IL1RAPL1: variants seen among roughly 807,000 people sequenced by gnomAD.
The protein encoded by IL1RAPL1 is interleukin-1 receptor accessory protein-like 1.
In IL1RAPL1, 3 loss-of-function variants were observed where a neutral mutation model predicts 48.4. The ratio of observed to expected loss-of-function variants is 0.06; its 90% CI spans 0.03 to 0.16. The LOEUF (loss-of-function observed/expected upper bound fraction) is 0.16. IL1RAPL1 is among the 10% of genes least tolerant of loss of function. The pLI, the probability that IL1RAPL1 is intolerant of heterozygous loss-of-function variation, is 1.00. For missense variants in IL1RAPL1, 349 were observed against 530.6 expected (o/e 0.66, Z 3.36); for synonymous variants, 185 against 187.7 (o/e 0.99, Z 0.12).
At chrX:29,841,130 T>C (rs1196965616) in intron 6 of IL1RAPL1, among the ~76,000 whole-genome samples, 1 of 111,950 alleles carries the variant, frequency 8.9e-6, no homozygotes, top group Non-Finnish European at 1.9e-5. Flanking sequence ...TCTTCAAATA[T>C]ACAGTTATTT....
chrX:28,731,719 T>A (rs2146947055), intron 1 of IL1RAPL1, among the ~76,000 whole-genome samples: 1 of 111,777 alleles, frequency 8.9e-6, no homozygotes, highest in East Asian at 2.8e-4. Flanking sequence ...CTTTGTCCTT[T>A]TTCTGACTAT....
intron 5 of IL1RAPL1, among the ~76,000 whole-genome samples, chrX:29,656,594 A>T (rs1012507284): frequency 7.2e-5 from 8 of 110,800 alleles, no homozygotes; most frequent in African/African-American, 2.6e-4. Flanking sequence ...GAATGCCATT[A>T]TTTCATTCCT....
rs146555092 is a variant in IL1RAPL1, at chrX:28,881,991, C to G, written c.82+92566C>G. Among the ~76,000 whole-genome samples the G allele has an allele frequency of 9.8e-3, 1,073 of 109,399 alleles. 13 individuals are homozygous for G. Among genetic ancestry groups the G allele is most frequent in the Non-Finnish European group, 0.016 (863 of 52,506 alleles). 95.0% of individuals were successfully genotyped at this position (109,399 alleles called of 115,157 possible). A position where few individuals can be genotyped will look rare whatever the true frequency, so the allele number is the denominator to read the frequency against. On this transcript the variant is annotated intron_variant, in intron 2 of 10. Coordinates refer to ENST00000378993, the MANE Select transcript of IL1RAPL1 (RefSeq NM_014271.4). ...ATTAAGAAAAAATGGCTAAAACATC[C>G]CAAAATGGAGGAAAGAAATACAAAT...
At chrX:29,498,428 C>G (rs766271789) in intron 5 of IL1RAPL1, among the ~76,000 whole-genome samples, 2 of 110,674 alleles carry the variant, frequency 1.8e-5, no homozygotes, top group African/African-American at 3.3e-5. Flanking sequence ...CTCTTACTCT[C>G]CTTTCTTGTT....
chrX:29,296,192 C>T (rs763202113), intron 3 of IL1RAPL1, among the ~76,000 whole-genome samples: 1 of 111,575 alleles, frequency 9.0e-6, no homozygotes, highest in Non-Finnish European at 1.9e-5. Flanking sequence ...GCCTGGACAT[C>T]GCAAGTATCT....
chrX:29,586,725 C>T (rs1174708127), intron 5 of IL1RAPL1, among the ~76,000 whole-genome samples: 4 of 109,958 alleles, frequency 3.6e-5, no homozygotes, highest in Admixed American at 1.9e-4. Context: ...GATGTTTTGC[C>T]CTTTTCAGTG....
intron 8 of IL1RAPL1, among the ~76,000 whole-genome samples, chrX:29,928,079 T>C (rs1932907742): frequency 9.0e-6 from 1 of 111,700 alleles, no homozygotes; most frequent in South Asian, 3.7e-4. Context: ...CACAAGTATT[T>C]TTACAGCTGA....
In IL1RAPL1 at chrX:28,833,858, T is replaced by C. The variant is rs529406835; in HGVS notation, c.82+44433T>C. ...ATTTAAAATCTACTGGTGACTTTTATGTAATGTAGTGGGCTTGAGAAACTT... is the reference window on the plus strand; with the variant it reads ...ATTTAAAATCTACTGGTGACTTTTACGTAATGTAGTGGGCTTGAGAAACTT... On this transcript the variant is annotated intron_variant, in intron 2 of 10. Transcript: ENST00000378993. Among the ~76,000 whole-genome samples the C allele has an allele frequency of 6.2e-5, 7 of 112,326 alleles. No homozygotes were observed. In the South Asian group the frequency reaches 2.5e-3, roughly 41 times the overall value.
chrX:29,585,823 C>T (rs1371647535), intron 5 of IL1RAPL1, among the ~76,000 whole-genome samples: 1 of 112,221 alleles, frequency 8.9e-6, no homozygotes, highest in African/African-American at 3.2e-5. Context: ...CTTCTTTAAA[C>T]ATCTGTTCAA....
intron 6 of IL1RAPL1, among the ~76,000 whole-genome samples, chrX:29,782,974 G>C (rs1305978039): frequency 1.1e-5 from 1 of 88,312 alleles, no homozygotes; most frequent in African/African-American, 4.5e-5. Context: ...GCGGGATCTC[G>C]GCTCACTGCA....
chrX:29,952,799 A>C (rs977757860), intron 9 of IL1RAPL1, among the ~76,000 whole-genome samples: 2 of 112,427 alleles, frequency 1.8e-5, no homozygotes, highest in Non-Finnish European at 3.8e-5. Context: ...GTTTTTCTTA[A>C]ACTTTTTTGC....
At chrX:28,831,916 T>A (rs187562194) in intron 2 of IL1RAPL1, among the ~76,000 whole-genome samples, 3 of 111,637 alleles carry the variant, frequency 2.7e-5, no homozygotes, top group African/African-American at 9.7e-5. Context: ...TTCAGTTTTT[T>A]AAATAATTAC....
intron 5 of IL1RAPL1, among the ~76,000 whole-genome samples, chrX:29,553,817 G>C (rs1921901006): frequency 9.0e-6 from 1 of 111,136 alleles, no homozygotes; most frequent in Admixed American, 9.6e-5. Flanking sequence ...ACAGATAACT[G>C]TAGAGGCCAC....
chrX:29,348,331 C>G (rs1174949474), intron 3 of IL1RAPL1, among the ~76,000 whole-genome samples: 1 of 111,674 alleles, frequency 9.0e-6, no homozygotes, highest in Non-Finnish European at 1.9e-5. Context: ...GAGAGAAAAT[C>G]CAAACCTTTA....
rs141109943 is a variant in IL1RAPL1, at chrX:29,835,775, C to T, written c.779-81689C>T. The stretch of plus-strand genomic sequence containing the variant: ...TATCCAGTTCTTCTAGGCTATCCAA[C>T]GCTTTGGTGTATAATTATTTATAAT... On this transcript the variant is annotated intron_variant, in intron 6 of 10. Transcript: ENST00000378993. 2.5e-3 allele frequency among the ~76,000 whole-genome samples: 277 copies of T among 109,660 alleles called. 1 individual carries two copies. The highest frequency in any genetic ancestry group is 4.3e-3 in the Non-Finnish European group (225 of 52,712).
intron 3 of IL1RAPL1, among the ~76,000 whole-genome samples, chrX:29,342,112 T>TTGTGTG (rs753779178): frequency 0.011 from 1,007 of 87,614 alleles, 12 homozygotes; most frequent in Admixed American, 0.02. Context: ...CGGCCTTGTT[T>TTGTGTG]TGTGTGTGTG....
At chrX:29,236,796 C>T (rs1441895564) in intron 2 of IL1RAPL1, among the ~76,000 whole-genome samples, 2 of 106,132 alleles carry the variant, frequency 1.9e-5, no homozygotes, top group Non-Finnish European at 3.9e-5. Flanking sequence ...GTCTCGATCT[C>T]CTGACCTCAT....
chrX:29,746,693 T>C (rs5928252), intron 6 of IL1RAPL1, among the ~76,000 whole-genome samples: 41,439 of 110,399 alleles, frequency 0.38, 5,512 homozygotes, highest in Admixed American at 0.48. Flanking sequence ...CTGCAACCTC[T>C]GACTCCTGGG....
chrX:28,838,481 T>C (rs1921283256), intron 2 of IL1RAPL1, among the ~76,000 whole-genome samples: 1 of 110,857 alleles, frequency 9.0e-6, no homozygotes, highest in Admixed American at 9.6e-5. Context: ...GAAACAAAGA[T>C]GCAGAAAAGA....
Sources: gnomAD v4.1 joint callset for allele counts (sites outside exome capture counted in the v4.1 genomes callset) on GRCh38, gnomAD v4.1.1 for gene constraint, MANE v1.5 for transcripts, NCBI Gene and HGNC (gene_info 2026-07-23, HGNC 2026-07-21) for gene names.